The following JMY variants were observed in gnomAD, a reference collection of about 807,000 sequenced individuals.
The protein encoded by JMY is junction mediating and regulatory protein, p53 cofactor, also known as junction-mediating and -regulatory protein.
In JMY, 46 loss-of-function variants were observed where a neutral mutation model predicts 103.3. That is an observed-to-expected ratio of 0.45 (90% confidence interval 0.35 to 0.57). The LOEUF is 0.57. Ranked by LOEUF, JMY falls within the 20% of genes least tolerant of loss-of-function variation. The pLI, the probability that JMY is intolerant of heterozygous loss-of-function variation, is 0.00. For missense variants in JMY, 1,238 were observed against 1,255.2 expected (o/e 0.99, Z 0.21); for synonymous variants, 526 against 489.3 (o/e 1.07, Z -0.99).
chr5:79,283,589 G>A (rs1210902319), intron 2 of JMY, among the ~76,000 whole-genome samples: 1 of 152,020 alleles, frequency 6.6e-6, no homozygotes. Flanking sequence ...ACCCCTTTAG[G>A]GAGCTCACAG....
chr5:79,300,531 A>T, intron 5 of JMY, 145 bp from the exon 6 acceptor site: 1 of 733,270 alleles, frequency 1.4e-6, no homozygotes, highest in Non-Finnish European at 2.2e-6. Context: ...GAGGTGTATT[A>T]AATAATAATC....
chr5:79,296,187 G>T (rs963871780), intron 4 of JMY, among the ~76,000 whole-genome samples: 1 of 152,082 alleles, frequency 6.6e-6, no homozygotes, highest in Non-Finnish European at 1.5e-5. Flanking sequence ...AATACCTAAG[G>T]ATTAAAAATA....
intron 1 of JMY, among the ~76,000 whole-genome samples, chr5:79,241,790 A>G (rs1462175902): frequency 3.3e-5 from 5 of 152,232 alleles, no homozygotes; most frequent in Admixed American, 2.6e-4. Context: ...GACTTTTACA[A>G]GAGTTTACTA....
At position 79,253,542 on chromosome 5, in the gene JMY, G is replaced by A. The variant is rs573352227; in HGVS notation, c.1032+15860G>A. Among the ~76,000 whole-genome samples the A allele has an allele frequency of 8.5e-4, 129 of 152,114 alleles. 1 individual carries two copies. Among genetic ancestry groups the A allele is most frequent in the African/African-American group, 3.0e-3 (125 of 41,516 alleles). On this transcript the variant is annotated intron_variant, in intron 1 of 10. Coordinates refer to ENST00000396137, the MANE Select transcript of JMY (RefSeq NM_152405.5). ...CTCCTGACCTCATGATCTGCCCACC[G>A]CAGCCTCCCAAAGTGCTGGGATTAT...
intron 1 of JMY, among the ~76,000 whole-genome samples, chr5:79,258,320 T>C (rs969486671): frequency 1.3e-4 from 19 of 149,616 alleles, no homozygotes; most frequent in African/African-American, 4.2e-4. Flanking sequence ...TGTTGTTTTT[T>C]TTTTTTTTTT....
At chr5:79,260,828 C>T (rs1745399434) in intron 1 of JMY, among the ~76,000 whole-genome samples, 1 of 151,602 alleles carries the variant, frequency 6.6e-6, no homozygotes, top group Admixed American at 6.6e-5. Flanking sequence ...CAGAGATGGG[C>T]AGTGTAAATG....
At chr5:79,278,182 A>AC in intron 2 of JMY, 99 bp downstream of exon 2, 2 of 1,021,480 alleles carry the variant, frequency 2.0e-6, no homozygotes, top group East Asian at 4.9e-5. Context: ...AAAAAAAAAA[A>AC]AAAAAGAAGG....
chr5:79,239,493 AC>A (rs1329083180), intron 1 of JMY, among the ~76,000 whole-genome samples: 5 of 152,104 alleles, frequency 3.3e-5, no homozygotes, highest in Non-Finnish European at 7.4e-5. Flanking sequence ...TCTGATTGTA[AC>A]TTTTTGGATA....
chr5:79,314,047 CG>C (rs1747130023), intron 8 of JMY, among the ~76,000 whole-genome samples: 1 of 152,114 alleles, frequency 6.6e-6, no homozygotes, highest in Admixed American at 6.5e-5. Context: ...TTAGTAGTGA[CG>C]GGGTTTCACC....
chr5:79,261,808 A>G (rs1475903602), intron 1 of JMY, among the ~76,000 whole-genome samples: 1 of 152,150 alleles, frequency 6.6e-6, no homozygotes, highest in Non-Finnish European at 1.5e-5. Context: ...TATTTTTAGT[A>G]GAGACAGGGT....
In JMY at chr5:79,314,631, T is replaced by TCCCCCCCCCCCCCCCCC; in HGVS notation, c.2444_2445insCCCCCCCCCCCCCCCCC (p.Pro821HisfsTer73). The TCCCCCCCCCCCCCCCCC allele has an allele frequency of 5.1e-6, 5 of 978,600 alleles. No individual in the cohort carries two copies. Among genetic ancestry groups the TCCCCCCCCCCCCCCCCC allele is most frequent in the South Asian group, 3.9e-5 (3 of 77,380 alleles). The allele number at this position is 978,600 out of a possible 1,614,324, so 60.6% of individuals were successfully genotyped here. On this transcript the variant is annotated frameshift_variant, in exon 9 of 11. Coordinates refer to ENST00000396137, the MANE Select transcript of JMY (RefSeq NM_152405.5). LOFTEE classifies it high-confidence loss of function. ...CCCCTCTTCCTCCAACACCACCACC[T>TCCCCCCCCCCCCCCCCC]CCCCCACCTCCTCCCCCTCCCCCAC...
intron 1 of JMY, among the ~76,000 whole-genome samples, chr5:79,247,779 A>C (rs1173660215): frequency 6.6e-6 from 1 of 151,588 alleles, no homozygotes; most frequent in Non-Finnish European, 1.5e-5. Context: ...CAGCCTCCCA[A>C]GTAGCTGGGA....
At chr5:79,280,049 G>T (rs984029470) in intron 2 of JMY, among the ~76,000 whole-genome samples, 3 of 152,080 alleles carry the variant, frequency 2.0e-5, no homozygotes, top group African/African-American at 4.8e-5. Flanking sequence ...TCCATCTGTT[G>T]CCCAGGCTGG....
At chr5:79,264,802 A>G (rs1289831991) in intron 1 of JMY, among the ~76,000 whole-genome samples, 1 of 152,218 alleles carries the variant, frequency 6.6e-6, no homozygotes, top group Non-Finnish European at 1.5e-5. Flanking sequence ...GAACTGAACC[A>G]TAAGAAATGA....
rs1269809511 is a variant in JMY, at chr5:79,246,470, G to A, written c.1032+8788G>A. Reference sequence around the variant, plus strand: ...ACAGTAAGAGGTAGGATGCAAGTGAGTTTGAGACCTGACTTCTCCTTGTTA... The same window carrying A: ...ACAGTAAGAGGTAGGATGCAAGTGAATTTGAGACCTGACTTCTCCTTGTTA... On this transcript the variant is annotated intron_variant, in intron 1 of 10. Coordinates refer to ENST00000396137, the MANE Select transcript of JMY (RefSeq NM_152405.5). 5.9e-5 allele frequency among the ~76,000 whole-genome samples: 9 copies of A among 152,334 alleles called. No individual in the cohort carries two copies. In the East Asian group the frequency reaches 1.7e-3, roughly 29 times the overall value.
rs1174370627 is a variant in JMY, at chr5:79,236,894, G to A, written c.244G>A (p.Gly82Ser). Reference sequence around the variant, plus strand: ...TGCGTCCGACGGGAGCCGCGGGCCCGGCAGCCCGGCGGGCAGGGGTCGGCC... The same window carrying A: ...TGCGTCCGACGGGAGCCGCGGGCCCAGCAGCCCGGCGGGCAGGGGTCGGCC... ...GAASDGSRGP[G>S]SPAGRGRPEA... Residue 82 changes from glycine to serine, a missense_variant, in exon 1 of 11, where the codon GGC becomes AGC. Gly to Ser is a moderately conservative substitution (Grantham distance 56). Transcript: ENST00000396137. 3 of 1,361,680 alleles carry A rather than the reference G, an allele frequency of 2.2e-6. No individual in the cohort carries two copies. Among genetic ancestry groups the A allele is most frequent in the Non-Finnish European group, 1.9e-6 (2 of 1,061,148 alleles). The allele number at this position is 1,361,680 out of a possible 1,614,324, so 84.3% of individuals were successfully genotyped here.
At position 79,325,020 on chromosome 5, in the gene JMY, G is replaced by C. The variant is rs1747587896; in HGVS notation, c.*3418G>C. ...TGCAAAGCATACTTGGGCCATAGTA[G>C]ACACTAAGAATTAAAACTCTTAAAT... On this transcript the variant is annotated 3_prime_UTR_variant, in exon 11 of 11. Coordinates refer to ENST00000396137, the MANE Select transcript of JMY (RefSeq NM_152405.5). The C allele has an allele frequency of 6.5e-6, 1 of 152,676 alleles. No homozygotes were observed. 9.5% of individuals were successfully genotyped at this position (152,676 alleles called of 1,614,324 possible). A position where few individuals can be genotyped will look rare whatever the true frequency, so the allele number is the denominator to read the frequency against.
At chr5:79,274,030 C>T (rs1305705318) in intron 1 of JMY, among the ~76,000 whole-genome samples, 4 of 152,006 alleles carry the variant, frequency 2.6e-5, no homozygotes, top group African/African-American at 7.3e-5. Context: ...GGGGTTTCAC[C>T]ATGTTAACCA....
chr5:79,256,150 G>A (rs188414321), intron 1 of JMY, among the ~76,000 whole-genome samples: 3 of 152,336 alleles, frequency 2.0e-5, no homozygotes, highest in African/African-American at 7.2e-5. Context: ...ACTAGGTGGA[G>A]TCCTTCCCAC....
Sources: gnomAD v4.1 joint callset for allele counts (sites outside exome capture counted in the v4.1 genomes callset) on GRCh38, gnomAD v4.1.1 for gene constraint, MANE v1.5 for transcripts, NCBI Gene and HGNC (gene_info 2026-07-23, HGNC 2026-07-21) for gene names.